HS3ST4: variants seen among roughly 807,000 people sequenced by gnomAD.
HS3ST4 encodes the protein heparan sulfate glucosamine 3-O-sulfotransferase 4.
Under a neutral mutation model 29.2 loss-of-function variants are expected in HS3ST4, and 17 were observed. That is an observed-to-expected ratio of 0.58 (90% CI 0.40 to 0.87). The LOEUF (loss-of-function observed/expected upper bound fraction) is 0.87. Ranked by LOEUF, HS3ST4 falls within the 40% of genes least tolerant of loss-of-function variation. HS3ST4 has a pLI of 0.00. For synonymous variants in HS3ST4, 314 were observed against 285.7 expected (o/e 1.10, Z -1.00); for missense variants, 627 against 634.5 (o/e 0.99, Z 0.13).
intron 1 of HS3ST4, among the ~76,000 whole-genome samples, chr16:25,768,501 C>T (rs913914718): frequency 2.0e-5 from 3 of 152,082 alleles, no homozygotes; most frequent in Admixed American, 1.3e-4. Context: ...AGGTGTGAGC[C>T]GACCAGGAGC....
chr16:25,960,938 A>G, intron 1 of HS3ST4, among the ~76,000 whole-genome samples: 1 of 152,210 alleles, frequency 6.6e-6, no homozygotes, highest in African/African-American at 2.4e-5. Context: ...CCCCAAACTC[A>G]CTGCTGAGAA....
chr16:25,739,382 A>G (rs1002784112), intron 1 of HS3ST4, among the ~76,000 whole-genome samples: 1 of 152,060 alleles, frequency 6.6e-6, no homozygotes, highest in Non-Finnish European at 1.5e-5. Context: ...AACGAACAAA[A>G]AAAACTTGCT....
chr16:25,829,313 T>C (rs1276055916), intron 1 of HS3ST4, among the ~76,000 whole-genome samples: 1 of 152,214 alleles, frequency 6.6e-6, no homozygotes, highest in Admixed American at 6.5e-5. Flanking sequence ...TTGCCCTAAA[T>C]GTGACAATCA....
At chr16:25,821,313 T>C (rs2141633648) in intron 1 of HS3ST4, among the ~76,000 whole-genome samples, 1 of 152,252 alleles carries the variant, frequency 6.6e-6, no homozygotes, top group Middle Eastern at 3.4e-3. Flanking sequence ...TGCTTTGGCC[T>C]CCCGCACCTT....
At chr16:26,102,165 A>C (rs1214058423) in intron 1 of HS3ST4, among the ~76,000 whole-genome samples, 1 of 152,126 alleles carries the variant, frequency 6.6e-6, no homozygotes, top group African/African-American at 2.4e-5. Context: ...TATAAAAAAA[A>C]CACAACATTA....
intron 1 of HS3ST4, among the ~76,000 whole-genome samples, chr16:25,863,209 G>A (rs1596594952): frequency 6.6e-6 from 1 of 151,864 alleles, no homozygotes; most frequent in African/African-American, 2.4e-5. Flanking sequence ...TCAGCCTCCC[G>A]AGTAGCCAGG....
intron 1 of HS3ST4, among the ~76,000 whole-genome samples, chr16:25,755,797 G>A (rs1020251398): frequency 2.6e-5 from 4 of 152,142 alleles, no homozygotes; most frequent in Non-Finnish European, 5.9e-5. Flanking sequence ...TGGGGCATAT[G>A]TTCCCTAATT....
chr16:26,104,690 T>C (rs1031620079), intron 1 of HS3ST4, among the ~76,000 whole-genome samples: 1 of 152,180 alleles, frequency 6.6e-6, no homozygotes, highest in Non-Finnish European at 1.5e-5. Flanking sequence ...TCCTCAACAT[T>C]CCAACTTGGA....
intron 1 of HS3ST4, among the ~76,000 whole-genome samples, chr16:26,074,544 TA>T: frequency 1.3e-5 from 2 of 152,268 alleles, no homozygotes; most frequent in Non-Finnish European, 2.9e-5. Flanking sequence ...CAGTGAGTGA[TA>T]GGTACCAAAG....
At chr16:25,799,826 A>G (rs1966913744) in intron 1 of HS3ST4, among the ~76,000 whole-genome samples, 2 of 152,170 alleles carry the variant, frequency 1.3e-5, no homozygotes, top group Admixed American at 6.6e-5. Flanking sequence ...CTATCTATCT[A>G]TGTATCTACC....
chr16:26,050,194 G>T (rs1337188520), intron 1 of HS3ST4, among the ~76,000 whole-genome samples: 1 of 152,124 alleles, frequency 6.6e-6, no homozygotes, highest in African/African-American at 2.4e-5. Flanking sequence ...GGGGCTGCCA[G>T]CCACCAGTCC....
At chr16:25,846,679 T>C (rs114499937) in intron 1 of HS3ST4, among the ~76,000 whole-genome samples, 287 of 152,292 alleles carry the variant, frequency 1.9e-3, no homozygotes, top group African/African-American at 6.7e-3. Flanking sequence ...TCATTCTTTC[T>C]ATAACAGAAA....
chr16:25,890,553 C>G (rs769648769), intron 1 of HS3ST4, among the ~76,000 whole-genome samples: 2 of 152,154 alleles, frequency 1.3e-5, no homozygotes, highest in Non-Finnish European at 2.9e-5. Flanking sequence ...TAGACCAGGG[C>G]TCTTGTCTTG....
At chr16:25,776,802 C>T (rs909838401) in intron 1 of HS3ST4, among the ~76,000 whole-genome samples, 3 of 152,148 alleles carry the variant, frequency 2.0e-5, no homozygotes, top group Non-Finnish European at 4.4e-5. Flanking sequence ...CTCCTGGCCT[C>T]GACAATGTTT....
At chr16:25,751,624 TC>T (rs1169454828) in intron 1 of HS3ST4, among the ~76,000 whole-genome samples, 2 of 152,212 alleles carry the variant, frequency 1.3e-5, no homozygotes, top group African/African-American at 4.8e-5. Context: ...GACCTGCATT[TC>T]ACTCCTGCTT....
intron 1 of HS3ST4, among the ~76,000 whole-genome samples, chr16:25,794,217 T>A (rs2141621016): frequency 6.6e-6 from 1 of 152,270 alleles, no homozygotes; most frequent in South Asian, 2.1e-4. Context: ...TTTTGCATGA[T>A]CATTGTCATG....
intron 1 of HS3ST4, among the ~76,000 whole-genome samples, chr16:25,936,445 T>C (rs1567276142): frequency 6.6e-6 from 1 of 152,194 alleles, no homozygotes; most frequent in South Asian, 2.1e-4. Context: ...GCAAAAATCT[T>C]GTGTTAGGTC....
chr16:25,957,936 T>C (rs1968753445), intron 1 of HS3ST4, among the ~76,000 whole-genome samples: 1 of 152,104 alleles, frequency 6.6e-6, no homozygotes, highest in African/African-American at 2.4e-5. Flanking sequence ...TGTGTTTCCT[T>C]AGACTCTTCT....
intron 1 of HS3ST4, among the ~76,000 whole-genome samples, chr16:25,719,883 C>T (rs2141589019): frequency 6.6e-6 from 1 of 152,194 alleles, no homozygotes; most frequent in South Asian, 2.1e-4. Flanking sequence ...GGAGTATACA[C>T]CAGTGAGCAA....
Sources: gnomAD v4.1 joint callset for allele counts (sites outside exome capture counted in the v4.1 genomes callset) on GRCh38, gnomAD v4.1.1 for gene constraint, MANE v1.5 for transcripts, NCBI Gene and HGNC (gene_info 2026-07-23, HGNC 2026-07-21) for gene names.